ARMC9: variants seen among roughly 807,000 people sequenced by gnomAD.
ARMC9 encodes armadillo repeat containing 9, also known as lisH domain-containing protein ARMC9.
In ARMC9, 94 loss-of-function variants were observed where a neutral mutation model predicts 107.0. The observed-to-expected ratio is 0.88, with a 90% CI of 0.74 to 1.04. ARMC9 has a LOEUF of 1.04. ARMC9 is among the 50% of genes least tolerant of loss of function. The probability of loss-of-function intolerance (pLI) is 0.00; values close to 1 mark genes in which losing one functional copy is unlikely to be tolerated. For missense variants in ARMC9, 942 were observed against 1,030.1 expected, an observed-to-expected ratio of 0.91 and a Z score of 1.17; for synonymous variants, 380 against 396.9, an observed-to-expected ratio of 0.96 and a Z score of 0.51.
In ARMC9 at chr2:231,372,842, G is replaced by A. The variant is rs576254878; in HGVS notation, c.*1307G>A. On this transcript the variant is annotated 3_prime_UTR_variant, in exon 25 of 25. Transcript: ENST00000611582. ...ATCTGCCCACAGACCCTTCAATGGG[G>A]ACATCTCTGGTCCCAATGGTCGTAA... 1 of 152,102 alleles carries A rather than the reference G, an allele frequency of 6.6e-6. No individual in the cohort carries two copies. The highest frequency in any genetic ancestry group is 1.5e-5 in the Non-Finnish European group (1 of 68,064). The allele number at this position is 152,102 out of a possible 1,614,324, so 9.4% of individuals were successfully genotyped here. A position where few individuals can be genotyped will look rare whatever the true frequency, so the allele number is the denominator to read the frequency against.
At chr2:231,275,190 C>T (rs549775204) in intron 14 of ARMC9, among the ~76,000 whole-genome samples, 5 of 152,314 alleles carry the variant, frequency 3.3e-5, no homozygotes, top group African/African-American at 4.8e-5. Context: ...ACCAAGAGAG[C>T]GCAGTCTTCA....
chr2:231,325,008 G>A (rs1160961746), intron 19 of ARMC9, among the ~76,000 whole-genome samples: 1 of 152,110 alleles, frequency 6.6e-6, no homozygotes, highest in Non-Finnish European at 1.5e-5. Context: ...TGGATCACTT[G>A]AGCTCAAGAG....
intron 19 of ARMC9, among the ~76,000 whole-genome samples, chr2:231,328,106 A>T (rs1225835165): frequency 2.0e-5 from 3 of 152,152 alleles, no homozygotes; most frequent in African/African-American, 7.2e-5. Context: ...TCTAATAGGC[A>T]TGTAGTGATA....
At chr2:231,335,598 G>T (rs2044033173) in intron 20 of ARMC9, among the ~76,000 whole-genome samples, 1 of 152,168 alleles carries the variant, frequency 6.6e-6, no homozygotes, top group African/African-American at 2.4e-5. Context: ...TGCTTCCAAG[G>T]CTTGCGGGAG....
intron 3 of ARMC9, among the ~76,000 whole-genome samples, chr2:231,208,970 C>T (rs867953794): frequency 1.3e-5 from 2 of 151,710 alleles, no homozygotes; most frequent in Admixed American, 6.6e-5. Flanking sequence ...GGTACGATCT[C>T]GGCTCATCAC....
chr2:231,325,050 C>G (rs1206497885), intron 19 of ARMC9, among the ~76,000 whole-genome samples: 1 of 151,982 alleles, frequency 6.6e-6, no homozygotes, highest in African/African-American at 2.4e-5. Context: ...ATGGAAAAAC[C>G]CTGTCTCTAC....
At chr2:231,316,480 G>A (rs1242098979) in intron 19 of ARMC9, among the ~76,000 whole-genome samples, 1 of 151,854 alleles carries the variant, frequency 6.6e-6, no homozygotes, top group African/African-American at 2.4e-5. Context: ...GGCCAACATG[G>A]TGAAACCCCA....
At chr2:231,257,315 C>A (rs1489052815) in intron 10 of ARMC9, among the ~76,000 whole-genome samples, 1 of 152,222 alleles carries the variant, frequency 6.6e-6, no homozygotes, top group Admixed American at 6.5e-5. Flanking sequence ...TATGCCTGAG[C>A]ACTCCTGTCC....
At chr2:231,323,921 G>A (rs952205937) in intron 19 of ARMC9, among the ~76,000 whole-genome samples, 18 of 152,058 alleles carry the variant, frequency 1.2e-4, no homozygotes, top group South Asian at 1.0e-3. Context: ...CTGAGGCAGC[G>A]GAAGCCAACT....
intron 19 of ARMC9, among the ~76,000 whole-genome samples, chr2:231,306,717 A>T (rs115445409): frequency 2.0e-5 from 3 of 152,060 alleles, no homozygotes; most frequent in Non-Finnish European, 4.4e-5. Context: ...GAGTAACAAG[A>T]TCTTCCAAGT....
intron 23 of ARMC9, among the ~76,000 whole-genome samples, chr2:231,365,074 AGCCTGGAGGCAGCCAG>A (rs2045758040): frequency 1.3e-5 from 2 of 152,358 alleles, no homozygotes; most frequent in South Asian, 4.1e-4. Context: ...TGAGCTCAGC[AGCCTGGAGGCAGCCAG>A]GAGCCAGGGC....
At chr2:231,213,507 C>T (rs1468150916) in intron 3 of ARMC9, among the ~76,000 whole-genome samples, 7 of 148,062 alleles carry the variant, frequency 4.7e-5, no homozygotes, top group African/African-American at 1.5e-4. Context: ...GATGGAGTCT[C>T]GCTCTGTTGC....
At chr2:231,308,751 G>A (rs2042173304) in intron 19 of ARMC9, among the ~76,000 whole-genome samples, 1 of 152,238 alleles carries the variant, frequency 6.6e-6, no homozygotes, top group Non-Finnish European at 1.5e-5. Flanking sequence ...GAGACATACT[G>A]TTGAGGGTTT....
Position 231,262,424 on chromosome 2 carries a change from C to A in ARMC9, c.1119+26C>A, listed in dbSNP as rs1369857271. 3.2e-6 allele frequency: 5 copies of A among 1,577,930 alleles called. No homozygotes were observed. The South Asian group carries it at 5.5e-5, about 17-fold the overall frequency. ...GTTGGTAAGAGGTGGGGCCAGATCC[C>A]AGCCAGGGCCTTCAATTCTAGGGAA... On this transcript the variant is annotated intron_variant, in intron 12 of 24. Coordinates refer to ENST00000611582, the MANE Select transcript of ARMC9 (RefSeq NM_001352754.2).
intron 7 of ARMC9, among the ~76,000 whole-genome samples, chr2:231,232,474 G>A (rs1337154115): frequency 6.8e-6 from 1 of 146,590 alleles, no homozygotes; most frequent in Non-Finnish European, 1.5e-5. Flanking sequence ...TTTTTGAGAC[G>A]GAGTTTCGCT....
intron 9 of ARMC9, among the ~76,000 whole-genome samples, chr2:231,242,128 A>C (rs2036355581): frequency 1.3e-5 from 2 of 152,024 alleles, no homozygotes; most frequent in South Asian, 2.1e-4. Flanking sequence ...TTACTTATGT[A>C]ATTTAAAAAC....
intron 3 of ARMC9, among the ~76,000 whole-genome samples, chr2:231,211,486 C>T (rs1182131243): frequency 1.3e-5 from 2 of 151,588 alleles, no homozygotes; most frequent in Non-Finnish European, 2.9e-5. Context: ...GAGCCAAGAT[C>T]ACACCATTGC....
chr2:231,222,721 T>C lies in ARMC9; in HGVS notation c.505-7T>C. The C allele has an allele frequency of 6.8e-7, 1 of 1,464,756 alleles. No homozygotes were observed. The highest frequency in any genetic ancestry group is 9.5e-7 in the Non-Finnish European group (1 of 1,054,296). The allele number at this position is 1,464,756 out of a possible 1,614,324, so 90.7% of individuals were successfully genotyped here. A position where few individuals can be genotyped will look rare whatever the true frequency, so the allele number is the denominator to read the frequency against. On this transcript the variant is annotated splice_region_variant and splice_polypyrimidine_tract_variant and intron_variant, in intron 5 of 24. Transcript: ENST00000611582. ...ATGTTTGTATTTTTGTTCCCTTTTT[T>C]CTTTAGGATTCCTGGACTCCAGAGT...
intron 23 of ARMC9, among the ~76,000 whole-genome samples, chr2:231,364,654 C>T (rs1476768212): frequency 2.0e-5 from 3 of 151,968 alleles, no homozygotes; most frequent in Non-Finnish European, 4.4e-5. Context: ...AAAAATTAGC[C>T]GGGCATGGTG....
Sources: gnomAD v4.1 joint callset for allele counts (sites outside exome capture counted in the v4.1 genomes callset) on GRCh38, gnomAD v4.1.1 for gene constraint, MANE v1.5 for transcripts, NCBI Gene and HGNC (gene_info 2026-07-23, HGNC 2026-07-21) for gene names.